The following DLC1 variants were observed in gnomAD, a reference collection of about 807,000 sequenced individuals.
DLC1 encodes the protein DLC1 Rho GTPase activating protein.
In DLC1, 54 loss-of-function variants were observed where a neutral mutation model predicts 140.3. That is an observed-to-expected ratio of 0.38 (90% CI 0.31 to 0.48). The LOEUF (loss-of-function observed/expected upper bound fraction) is 0.48. Ranked by LOEUF, DLC1 falls within the 20% of genes least tolerant of loss-of-function variation. The pLI is 0.96. For synonymous variants in DLC1, 986 were observed against 728.1 expected (o/e 1.35, Z -5.70); for missense variants, 2,536 against 1,907.0 (o/e 1.33, Z -6.14).
At chr8:13,569,376 TA>T (rs1326001689) in intron 1 of DLC1, among the ~76,000 whole-genome samples, 1 of 152,024 alleles carries the variant, frequency 6.6e-6, no homozygotes, top group African/African-American at 2.4e-5. Context: ...TTTTCCCCCA[TA>T]AAATTTAGCA....
At chr8:13,168,206 A>T (rs950701980) in intron 5 of DLC1, among the ~76,000 whole-genome samples, 2 of 152,222 alleles carry the variant, frequency 1.3e-5, no homozygotes, top group African/African-American at 4.8e-5. Context: ...AGTGAAGAAG[A>T]CAGCACAAAT....
In DLC1 at chr8:13,100,589, A is replaced by G; in HGVS notation, c.1748T>C (p.Met583Thr). ...KDGPSPGGTL[M>T]DLSERQEVSS... is the part of the protein sequence containing the mutation. ...CACCTCCTGGCGCTCGCTGAGGTCC[A>G]TCAGCGTGCCTCCGGGGCTGGGGCC... The change falls in exon 9 of 18, where the codon ATG (methionine) becomes ACG (threonine). Residue 583 changes from methionine (M) to threonine (T), a missense_variant. Physicochemically the swap from Met to Thr is moderately conservative, Grantham distance 81. Coordinates refer to ENST00000276297, the MANE Select transcript of DLC1 (RefSeq NM_182643.3). 6.2e-7 allele frequency: 1 copy of G among 1,613,922 alleles called. No homozygotes were observed.
At chr8:13,449,564 G>C (rs1218742643) in intron 2 of DLC1, among the ~76,000 whole-genome samples, 1 of 150,928 alleles carries the variant, frequency 6.6e-6, no homozygotes, top group Admixed American at 6.7e-5. Context: ...GCAAACTATC[G>C]CAAGGACAAA....
rs1314106140 is a variant in DLC1, at chr8:13,091,307, C to T, written c.3855+11G>A. The T allele has an allele frequency of 6.2e-7, 1 of 1,613,580 alleles. No homozygotes were observed. Among genetic ancestry groups the T allele is most frequent in the East Asian group, 2.2e-5 (1 of 44,872 alleles). ...TCCTTAATAAAGGAGCCAAACTTCT[C>T]AATTCCTTACCTGGAAAAGCTTCTT... On this transcript the variant is annotated intron_variant, in intron 14 of 17. Coordinates refer to ENST00000276297, the MANE Select transcript of DLC1 (RefSeq NM_182643.3).
chr8:13,461,914 C>G lies in DLC1; in HGVS notation c.1023+37135G>C, dbSNP rs545653696. On this transcript the variant is annotated intron_variant, in intron 2 of 17. Coordinates refer to ENST00000276297, the MANE Select transcript of DLC1 (RefSeq NM_182643.3). The stretch of plus-strand genomic sequence containing the variant: ...CATGCTGTGTGATGCTTCTGTGGAT[C>G]TACCAGCAACAATATTAGTGAGGTA... Among the ~76,000 whole-genome samples the G allele has an allele frequency of 3.0e-4, 45 of 152,308 alleles. 1 individual carries two copies. The South Asian group carries it at 9.1e-3, about 31-fold the overall frequency.
intron 5 of DLC1, among the ~76,000 whole-genome samples, chr8:13,196,194 C>G (rs953706546): frequency 1.3e-5 from 2 of 151,622 alleles, no homozygotes; most frequent in African/African-American, 4.8e-5. Context: ...GAGAATAGGA[C>G]TGGAGAGGTG....
intron 5 of DLC1, among the ~76,000 whole-genome samples, chr8:13,176,448 A>G (rs1168953230): frequency 2.0e-5 from 3 of 152,140 alleles, no homozygotes; most frequent in Non-Finnish European, 1.5e-5. Flanking sequence ...GAGTGGCAGC[A>G]GGTGCCTGTA....
chr8:13,471,776 C>T (rs1800221287), intron 2 of DLC1, among the ~76,000 whole-genome samples: 1 of 152,146 alleles, frequency 6.6e-6, no homozygotes, highest in South Asian at 2.1e-4. Context: ...GAAAAGCAGC[C>T]TTTCAGCAAA....
chr8:13,128,219 G>T (rs1240761201), intron 5 of DLC1, among the ~76,000 whole-genome samples: 1 of 152,120 alleles, frequency 6.6e-6, no homozygotes, highest in Non-Finnish European at 1.5e-5. Flanking sequence ...AGTCACATTT[G>T]GGAGAAAAGT....
At chr8:13,372,840 A>G (rs907968572) in intron 4 of DLC1, among the ~76,000 whole-genome samples, 19 of 152,242 alleles carry the variant, frequency 1.2e-4, no homozygotes, top group African/African-American at 4.1e-4. Context: ...CCAGAAATAT[A>G]TATCTTTATA....
intron 5 of DLC1, among the ~76,000 whole-genome samples, chr8:13,262,659 C>A (rs1280548315): frequency 1.3e-5 from 2 of 152,290 alleles, no homozygotes; most frequent in East Asian, 3.9e-4. Flanking sequence ...CTCCTGGGCT[C>A]AAGTGATCTT....
intron 8 of DLC1, among the ~76,000 whole-genome samples, chr8:13,102,263 G>A (rs80342143): frequency 2.0e-5 from 3 of 152,112 alleles, no homozygotes; most frequent in Non-Finnish European, 2.9e-5. Flanking sequence ...CATCCAGCTC[G>A]GTTGTGTACC....
chr8:13,119,186 C>T (rs570639245), intron 5 of DLC1, among the ~76,000 whole-genome samples: 16 of 147,172 alleles, frequency 1.1e-4, no homozygotes, highest in African/African-American at 3.3e-4. Flanking sequence ...TGTGACCACA[C>T]TACTGCATTC....
intron 1 of DLC1, among the ~76,000 whole-genome samples, chr8:13,575,890 A>G (rs1445662228): frequency 2.0e-5 from 3 of 152,236 alleles, no homozygotes; most frequent in Admixed American, 6.5e-5. Flanking sequence ...GCACTGAGAC[A>G]TGTGTAACCT....
intron 15 of DLC1, among the ~76,000 whole-genome samples, chr8:13,089,567 G>A (rs1014964098): frequency 2.0e-5 from 3 of 152,324 alleles, no homozygotes; most frequent in Non-Finnish European, 4.4e-5. Context: ...AGAGGTTGCA[G>A]TGAGCCGAGA....
At chr8:13,383,182 A>G (rs539889221) in intron 4 of DLC1, among the ~76,000 whole-genome samples, 1 of 152,208 alleles carries the variant, frequency 6.6e-6, no homozygotes, top group African/African-American at 2.4e-5. Context: ...TGGTGGATCA[A>G]CCCCAGGAAG....
At chr8:13,325,258 C>A (rs1055021646) in intron 4 of DLC1, among the ~76,000 whole-genome samples, 1 of 152,166 alleles carries the variant, frequency 6.6e-6, no homozygotes, top group African/African-American at 2.4e-5. Context: ...AGGAGTGAGA[C>A]TAATGGGCTT....
At position 13,212,298 on chromosome 8, in the gene DLC1, A is replaced by G. The variant is rs558517897; in HGVS notation, c.1348+92971T>C. ...GTCTATATTCCTGATCTTCCCCTAC[A>G]CTATGTTAGGTCCATGTGTGCGTAC... On this transcript the variant is annotated intron_variant, in intron 5 of 17. Transcript: ENST00000276297. Among the ~76,000 whole-genome samples, 4 of 152,000 alleles carry G rather than the reference A, an allele frequency of 2.6e-5. No individual in the cohort carries two copies. The South Asian group carries it at 6.2e-4, about 24-fold the overall frequency.
chr8:13,572,676 C>T (rs941263220), intron 1 of DLC1, among the ~76,000 whole-genome samples: 1 of 152,062 alleles, frequency 6.6e-6, no homozygotes, highest in Non-Finnish European at 1.5e-5. Context: ...GTGTAAGGGT[C>T]TAATTTCATT....
Sources: gnomAD v4.1 joint callset for allele counts (sites outside exome capture counted in the v4.1 genomes callset) on GRCh38, gnomAD v4.1.1 for gene constraint, MANE v1.5 for transcripts, NCBI Gene and HGNC (gene_info 2026-07-23, HGNC 2026-07-21) for gene names.